The following PTPRG variants were observed in gnomAD, a reference collection of about 807,000 sequenced individuals.
The protein encoded by PTPRG is receptor-type tyrosine-protein phosphatase gamma.
A neutral mutation model predicts 165.3 loss-of-function variants in PTPRG; 102 were observed. The ratio of observed to expected loss-of-function variants is 0.62; its 90% CI spans 0.53 to 0.73. The LOEUF (loss-of-function observed/expected upper bound fraction) is 0.73. Ranked by LOEUF, PTPRG falls within the 30% of genes least tolerant of loss-of-function variation. PTPRG has a pLI of 0.00. For missense variants in PTPRG, 1,866 were observed against 1,861.4 expected (o/e 1.00, Z -0.05); for synonymous variants, 675 against 669.5 (o/e 1.01, Z -0.13).
intron 1 of PTPRG, among the ~76,000 whole-genome samples, chr3:61,661,148 C>A (rs866183474): frequency 1.1e-4 from 17 of 152,090 alleles, no homozygotes; most frequent in Non-Finnish European, 2.5e-4. Flanking sequence ...TCCTAGCCTA[C>A]TGCAGCCTCA....
At chr3:61,828,698 T>C (rs11130858) in intron 2 of PTPRG, among the ~76,000 whole-genome samples, 46,439 of 151,962 alleles carry the variant, frequency 0.31, 7,310 homozygotes, top group East Asian at 0.5. Flanking sequence ...TAGGATAGTA[T>C]TGGACTTGAG....
intron 27 of PTPRG, 129 bp downstream of exon 27, chr3:62,281,838 T>G (rs1482876087): frequency 2.2e-6 from 2 of 925,450 alleles, no homozygotes; most frequent in Admixed American, 5.9e-5. Flanking sequence ...ATTTTAAATA[T>G]GTACATTTTC....
At chr3:61,824,524 T>G (rs912493252) in intron 2 of PTPRG, among the ~76,000 whole-genome samples, 3 of 152,210 alleles carry the variant, frequency 2.0e-5, no homozygotes, top group African/African-American at 7.2e-5. Flanking sequence ...CTCAATGGAA[T>G]CCTTAAGTGA....
At chr3:61,879,487 A>C (rs1167347046) in intron 2 of PTPRG, among the ~76,000 whole-genome samples, 1 of 152,074 alleles carries the variant, frequency 6.6e-6, no homozygotes, top group East Asian at 1.9e-4. Flanking sequence ...TTTTAAACGA[A>C]ATTGTTTTCT....
At chr3:62,009,015 A>T (rs2041358463) in intron 4 of PTPRG, among the ~76,000 whole-genome samples, 2 of 152,242 alleles carry the variant, frequency 1.3e-5, no homozygotes, top group Admixed American at 1.3e-4. Context: ...ATATTCCTAT[A>T]ACGAGCAAAT....
chr3:61,660,025 G>A (rs1702615234), intron 1 of PTPRG, among the ~76,000 whole-genome samples: 1 of 152,080 alleles, frequency 6.6e-6, no homozygotes, highest in Admixed American at 6.5e-5. Context: ...AGGAGATAGA[G>A]ACCATCCTGG....
chr3:62,081,032 C>T (rs9866262), intron 5 of PTPRG, among the ~76,000 whole-genome samples: 20,673 of 151,524 alleles, frequency 0.14, 4,695 homozygotes, highest in African/African-American at 0.47. Flanking sequence ...CCGAGGCGGG[C>T]GGATCACTAG....
At position 62,027,069 on chromosome 3, in the gene PTPRG, C is replaced by T. The variant is rs74415849; in HGVS notation, c.519+23572C>T. ...ATCATTTAGAGTCAGTATAGATATT[C>T]TCTGTTTAAATTCTCTCCCCGTGCC... On this transcript the variant is annotated intron_variant, in intron 4 of 29. Transcript: ENST00000474889. Among the ~76,000 whole-genome samples the T allele has an allele frequency of 8.1e-3, 1,239 of 152,030 alleles. 19 individuals carry two copies. The highest frequency in any genetic ancestry group is 0.028 in the African/African-American group (1,173 of 41,460).
intron 2 of PTPRG, among the ~76,000 whole-genome samples, chr3:61,794,924 G>T (rs1032134288): frequency 2.0e-5 from 3 of 152,150 alleles, no homozygotes; most frequent in African/African-American, 7.2e-5. Flanking sequence ...AATATGAGTG[G>T]TTAAAATAAA....
chr3:62,088,366 G>C (rs1701819255), intron 5 of PTPRG, among the ~76,000 whole-genome samples: 3 of 152,158 alleles, frequency 2.0e-5, no homozygotes, highest in Non-Finnish European at 1.5e-5. Context: ...CTCGGTAGAG[G>C]GGGGTCAGTT....
intron 1 of PTPRG, among the ~76,000 whole-genome samples, chr3:61,642,132 G>C (rs1445974003): frequency 1.3e-5 from 2 of 152,144 alleles, no homozygotes; most frequent in African/African-American, 4.8e-5. Context: ...CCCTGATGCT[G>C]ACCCCGAGTT....
chr3:61,782,259 A>G (rs2034568317), intron 2 of PTPRG, among the ~76,000 whole-genome samples: 1 of 152,136 alleles, frequency 6.6e-6, no homozygotes, highest in Non-Finnish European at 1.5e-5. Flanking sequence ...AGATGAGCTT[A>G]CTCTAGTGTA....
intron 16 of PTPRG, among the ~76,000 whole-genome samples, chr3:62,260,450 G>A (rs529776596): frequency 1.4e-4 from 22 of 152,156 alleles, no homozygotes; most frequent in Non-Finnish European, 2.4e-4. Context: ...TAAAATTCTC[G>A]TTACATCAAT....
intron 2 of PTPRG, among the ~76,000 whole-genome samples, chr3:61,907,249 C>T (rs1049153623): frequency 1.3e-5 from 2 of 151,908 alleles, no homozygotes; most frequent in South Asian, 2.1e-4. Context: ...AAGAAAAGCT[C>T]GAGGGTGACT....
chr3:62,141,321 A>G (rs1277108914), intron 6 of PTPRG, among the ~76,000 whole-genome samples: 2 of 152,178 alleles, frequency 1.3e-5, no homozygotes, highest in African/African-American at 4.8e-5. Flanking sequence ...CAAGAGATGT[A>G]TAGGCCAGGC....
chr3:62,085,332 CTG>C (rs3068451), intron 5 of PTPRG, among the ~76,000 whole-genome samples: 49,632 of 151,866 alleles, frequency 0.33, 10,190 homozygotes, highest in African/African-American at 0.59. Flanking sequence ...AACATGAAGA[CTG>C]TGTAACGATT....
intron 8 of PTPRG, among the ~76,000 whole-genome samples, chr3:62,174,999 CA>C (rs199683674): frequency 6.6e-6 from 1 of 151,340 alleles, no homozygotes; most frequent in South Asian, 2.1e-4. Flanking sequence ...AGAAAGAAGA[CA>C]AAAAAAACAG....
chr3:62,106,952 G>T (rs1702494582), intron 5 of PTPRG, among the ~76,000 whole-genome samples: 1 of 152,152 alleles, frequency 6.6e-6, no homozygotes, highest in East Asian at 1.9e-4. Flanking sequence ...TATTGAAGAG[G>T]AAAATGATAA....
In PTPRG at chr3:61,852,871, C is replaced by T. The variant is rs76032087; in HGVS notation, c.190+103889C>T. Among the ~76,000 whole-genome samples, 481 of 152,334 alleles carry T rather than the reference C, an allele frequency of 3.2e-3. 4 individuals carry two copies. Among genetic ancestry groups the T allele is most frequent in the African/African-American group, 0.011 (443 of 41,576 alleles). ...TATCTCAGTAACGCGTATGGACATA[C>T]ATGCATGGACTTGCAAAGGTCCTAA... On this transcript the variant is annotated intron_variant, in intron 2 of 29. Transcript: ENST00000474889.
Sources: allele counts gnomAD v4.1 joint callset (sites outside exome capture counted in the v4.1 genomes callset), GRCh38; gene constraint gnomAD v4.1.1; transcripts MANE v1.5; gene names NCBI Gene and HGNC (gene_info 2026-07-23, HGNC 2026-07-21).